The following CTNND2 variants were observed in gnomAD, a reference collection of about 807,000 sequenced individuals.
The protein encoded by CTNND2 is catenin delta 2.
In CTNND2, 22 loss-of-function variants were observed where a neutral mutation model predicts 144.4. The observed-to-expected ratio is 0.15, with a 90% CI of 0.11 to 0.22. CTNND2 has a LOEUF of 0.22. Among genes scored for constraint, CTNND2 ranks in the 10% least tolerant of loss-of-function variants. CTNND2 has a pLI of 1.00. For missense variants in CTNND2, 1,353 were observed against 1,618.8 expected (o/e 0.84, Z 2.82); for synonymous variants, 751 against 695.6 (o/e 1.08, Z -1.25).
chr5:11,186,726 A>T (rs1338252271), intron 11 of CTNND2, among the ~76,000 whole-genome samples: 1 of 152,156 alleles, frequency 6.6e-6, no homozygotes, highest in Admixed American at 6.5e-5. Flanking sequence ...TTCCCAAGCT[A>T]TTATCGTGAA....
intron 2 of CTNND2, among the ~76,000 whole-genome samples, chr5:11,726,331 TAGA>T (rs566741032): frequency 1.1e-3 from 162 of 152,274 alleles, no homozygotes; most frequent in Non-Finnish European, 1.6e-3. Flanking sequence ...ATACTCCTCA[TAGA>T]AGGTTAAATG....
chr5:11,121,916 C>T (rs1213425437), intron 12 of CTNND2, among the ~76,000 whole-genome samples: 1 of 152,234 alleles, frequency 6.6e-6, no homozygotes, highest in Non-Finnish European at 1.5e-5. Context: ...ACCTCCTTTA[C>T]TGATCATCAT....
chr5:11,674,417 T>C (rs1385968494), intron 2 of CTNND2, among the ~76,000 whole-genome samples: 1 of 152,172 alleles, frequency 6.6e-6, no homozygotes, highest in Non-Finnish European at 1.5e-5. Context: ...GTACCATGAT[T>C]TCCCCTATAC....
chr5:11,538,893 C>G (rs1264667726), intron 3 of CTNND2, among the ~76,000 whole-genome samples: 1 of 152,078 alleles, frequency 6.6e-6, no homozygotes, highest in East Asian at 1.9e-4. Context: ...AGATTTTTCA[C>G]CTGGATGTCT....
At position 11,050,649 on chromosome 5, in the gene CTNND2, C is replaced by T. The variant is rs1561226667; in HGVS notation, c.2789-27670G>A. On this transcript the variant is annotated intron_variant, in intron 16 of 21. Coordinates refer to ENST00000304623, the MANE Select transcript of CTNND2 (RefSeq NM_001332.4). Reference sequence around the variant, plus strand: ...TGACCCACAACCTGAGCATCCTGCCCAGGAAACCAACTCCTTACCTGTAAT... The same window carrying T: ...TGACCCACAACCTGAGCATCCTGCCTAGGAAACCAACTCCTTACCTGTAAT... Among the ~76,000 whole-genome samples the T allele has an allele frequency of 1.3e-5, 2 of 152,196 alleles. 1 individual carries two copies. The highest frequency in any genetic ancestry group is 3.8e-4 in the East Asian group (2 of 5,202).
At chr5:11,728,867 C>T (rs73743053) in intron 2 of CTNND2, among the ~76,000 whole-genome samples, 1,702 of 152,160 alleles carry the variant, frequency 0.011, 26 homozygotes, top group African/African-American at 0.04. Context: ...CTGCTAACTA[C>T]TTGAAGGCCA....
At chr5:10,983,329 T>A (rs35696760) in intron 20 of CTNND2, among the ~76,000 whole-genome samples, 4,197 of 152,278 alleles carry the variant, frequency 0.028, 89 homozygotes, top group Non-Finnish European at 0.035. Context: ...AATGCTGTCT[T>A]GTGTCAGTGG....
At chr5:11,357,436 A>T (rs538997320) in intron 8 of CTNND2, among the ~76,000 whole-genome samples, 1 of 152,260 alleles carries the variant, frequency 6.6e-6, no homozygotes, top group Admixed American at 6.5e-5. Context: ...GCACAGAAAG[A>T]CAAATACCAC....
At chr5:11,290,743 T>A (rs745564674) in intron 9 of CTNND2, among the ~76,000 whole-genome samples, 4 of 152,208 alleles carry the variant, frequency 2.6e-5, no homozygotes, top group Non-Finnish European at 5.9e-5. Context: ...GGTCTAAGTC[T>A]TGTGCTCAGA....
Position 11,903,748 on chromosome 5 carries a change from G to A in CTNND2, c.37+69C>T. On this transcript the variant is annotated intron_variant, in intron 1 of 21. Transcript: ENST00000304623. The surrounding 1 kb of genome is among the most constrained non-coding windows in gnomAD (Gnocchi z 5.4). ...GGAGCCCAGGACCACCCCCACCAGC[G>A]GCAAGAGGAGGAGGACGGCGCCGGG... 1.4e-6 allele frequency: 2 copies of A among 1,432,076 alleles called. No homozygotes were observed. Among genetic ancestry groups the A allele is most frequent in the Non-Finnish European group, 1.8e-6 (2 of 1,085,004 alleles). 88.7% of individuals were successfully genotyped at this position (1,432,076 alleles called of 1,614,324 possible).
chr5:11,726,582 A>G (rs1787036485), intron 2 of CTNND2, among the ~76,000 whole-genome samples: 1 of 152,206 alleles, frequency 6.6e-6, no homozygotes, highest in African/African-American at 2.4e-5. Context: ...AAATTACTAA[A>G]ACACCACATT....
In CTNND2 at chr5:10,973,711, A is replaced by C. The variant is rs764009896; in HGVS notation, c.3420T>G (p.Val1140=). The part of the protein sequence containing the change: ...APAEDIKHNQ[V]SAQPVPQEPS... ...GCTCCTGTGGGACTGGCTGTGCTGA[A>C]ACCTAAACGGGAAAGAAGAGCCACA... The change falls in exon 22 of 22, where the codon GTT becomes GTG. Residue 1140 remains valine (V), a splice_region_variant and synonymous_variant. Transcript: ENST00000304623. The surrounding 1 kb of genome is among the most constrained non-coding windows in gnomAD (Gnocchi z 5.6). 1 of 1,593,214 alleles carries C rather than the reference A, an allele frequency of 6.3e-7. No homozygotes were observed. The highest frequency in any genetic ancestry group is 2.2e-5 in the East Asian group (1 of 44,704).
At chr5:11,662,273 GTATATA>G (rs147318564) in intron 2 of CTNND2, among the ~76,000 whole-genome samples, 2 of 134,128 alleles carry the variant, frequency 1.5e-5, no homozygotes, top group East Asian at 4.2e-4. Context: ...GTGTGTGTGT[GTATATA>G]TATATATATA....
At position 11,904,336 on chromosome 5, in the gene CTNND2, T is replaced by G. The variant is rs1738164540; in HGVS notation, c.-483A>C. 2.0e-5 allele frequency among the ~76,000 whole-genome samples: 3 copies of G among 149,144 alleles called. No individual in the cohort carries two copies. The South Asian group carries it at 6.3e-4, about 31-fold the overall frequency. ...CCGCCTCAGCCGCCGAGGGCGAGGC[T>G]CCTCCCGCGGCGCGCGGCAGCCTCA... On this transcript the variant is annotated 5_prime_UTR_variant, in exon 1 of 22. Coordinates refer to ENST00000304623, the MANE Select transcript of CTNND2 (RefSeq NM_001332.4). The surrounding 1 kb of genome is among the most constrained non-coding windows in gnomAD (Gnocchi z 4.2).
intron 12 of CTNND2, among the ~76,000 whole-genome samples, chr5:11,118,102 T>C (rs988454280): frequency 3.3e-5 from 5 of 152,228 alleles, no homozygotes; most frequent in Non-Finnish European, 5.9e-5. Flanking sequence ...ATACCTCTTA[T>C]GAGAAGGGGC....
intron 1 of CTNND2, among the ~76,000 whole-genome samples, chr5:11,890,938 T>G (rs1736908915): frequency 6.6e-6 from 1 of 152,106 alleles, no homozygotes. Flanking sequence ...GGTTATAAGC[T>G]AAGGCAAGAT....
chr5:11,490,422 A>G (rs1469987637), intron 3 of CTNND2, among the ~76,000 whole-genome samples: 1 of 152,226 alleles, frequency 6.6e-6, no homozygotes, highest in Admixed American at 6.5e-5. Context: ...ATGTACATGT[A>G]TATTTATCAC....
chr5:11,721,244 A>T (rs1786660590), intron 2 of CTNND2, among the ~76,000 whole-genome samples: 1 of 152,254 alleles, frequency 6.6e-6, no homozygotes, highest in South Asian at 2.1e-4. Flanking sequence ...TTCCATTTAC[A>T]TAAAACAATC....
intron 2 of CTNND2, among the ~76,000 whole-genome samples, chr5:11,683,156 G>A (rs1206206894): frequency 1.3e-5 from 2 of 152,096 alleles, no homozygotes; most frequent in African/African-American, 2.4e-5. Context: ...AGTTTCTAAC[G>A]CATTTTACCC....
Sources: allele counts gnomAD v4.1 joint callset (sites outside exome capture counted in the v4.1 genomes callset), GRCh38; gene constraint gnomAD v4.1.1; non-coding constraint Gnocchi (gnomAD v3.1); transcripts MANE v1.5; gene names NCBI Gene and HGNC (gene_info 2026-07-23, HGNC 2026-07-21).